The following SLC4A4 variants were observed in gnomAD, a reference collection of about 807,000 sequenced individuals.
SLC4A4 encodes solute carrier family 4 member 4.
Under a neutral mutation model 111.5 loss-of-function variants are expected in SLC4A4, and 27 were observed. That is an observed-to-expected ratio of 0.24 (90% CI 0.18 to 0.33). SLC4A4 has a LOEUF of 0.33. Ranked by LOEUF, SLC4A4 falls within the 10% of genes least tolerant of loss-of-function variation. SLC4A4 has a pLI of 1.00. For synonymous variants in SLC4A4, 443 were observed against 463.4 expected, an observed-to-expected ratio of 0.96 and a Z score of 0.57; for missense variants, 909 against 1,315.5, an observed-to-expected ratio of 0.69 and a Z score of 4.78.
chr4:71,268,708 G>A (rs1254437235), intron 3 of SLC4A4, among the ~76,000 whole-genome samples: 1 of 152,144 alleles, frequency 6.6e-6, no homozygotes, highest in Non-Finnish European at 1.5e-5. Context: ...GTAATAAAAT[G>A]TTTCTCAGAG....
intron 7 of SLC4A4, among the ~76,000 whole-genome samples, chr4:71,411,660 A>G (rs1365519705): frequency 6.6e-6 from 1 of 152,228 alleles, no homozygotes; most frequent in African/African-American, 2.4e-5. Flanking sequence ...AGTGACAGAT[A>G]CTGTATGTTT....
At chr4:71,117,310 G>A (rs2148954683) in intron 2 of SLC4A4, among the ~76,000 whole-genome samples, 1 of 152,232 alleles carries the variant, frequency 6.6e-6, no homozygotes, top group East Asian at 1.9e-4. Context: ...ACATAGTCCT[G>A]TAATGAAAGG....
intron 18 of SLC4A4, among the ~76,000 whole-genome samples, chr4:71,545,120 A>G (rs146025784): frequency 1.0e-3 from 159 of 152,174 alleles, no homozygotes; most frequent in African/African-American, 3.8e-3. Flanking sequence ...ATATTAACCT[A>G]TATCTATTCA....
rs113377337 is a variant in SLC4A4, at chr4:71,259,121, T to C, written c.253+3722T>C. ...AGCTGCTGTGCTTCATCCGTGGCAA[T>C]ATAGTGAGACCCTGTCTCTACAAAA... On this transcript the variant is annotated intron_variant, in intron 3 of 25. Coordinates refer to ENST00000264485, the MANE Select transcript of SLC4A4 (RefSeq NM_001098484.3). Among the ~76,000 whole-genome samples the C allele has an allele frequency of 2.1e-3, 316 of 152,236 alleles. 3 individuals are homozygous for C. Among genetic ancestry groups the C allele is most frequent in the African/African-American group, 7.0e-3 (290 of 41,532 alleles).
Position 71,501,902 on chromosome 4 carries a change from A to G in SLC4A4, c.2166+4210A>G, listed in dbSNP as rs747411908. Among the ~76,000 whole-genome samples, 136 of 152,028 alleles carry G rather than the reference A, an allele frequency of 8.9e-4. 1 individual carries two copies. Among genetic ancestry groups the G allele is most frequent in the Non-Finnish European group, 3.5e-4 (24 of 67,990 alleles). ...ATGGTCTCGATCTCCTGACCTTGTGATCCCCCTGCCTAGGCCTCTCAAAGT... is the reference window on the plus strand; with the variant it reads ...ATGGTCTCGATCTCCTGACCTTGTGGTCCCCCTGCCTAGGCCTCTCAAAGT... On this transcript the variant is annotated intron_variant, in intron 16 of 25. Transcript: ENST00000264485.
Position 71,450,415 on chromosome 4 carries a change from A to C in SLC4A4, c.1080A>C (p.Ala360=), listed in dbSNP as rs776423137. ...TGTTCCATGACATTGCTTATAAAGC[A>C]AAAGACAGGCACGACCTGATTGCTG... ...DEVFHDIAYK[A]KDRHDLIAGI... Residue 360 remains alanine (A), a synonymous_variant, in exon 10 of 26, where the codon GCA becomes GCC. Transcript: ENST00000264485. The C allele has an allele frequency of 1.2e-6, 2 of 1,612,532 alleles. No individual in the cohort carries two copies. Among genetic ancestry groups the C allele is most frequent in the East Asian group, 2.2e-5 (1 of 44,856 alleles).
chr4:71,308,269 G>A (rs1725849598), intron 3 of SLC4A4, among the ~76,000 whole-genome samples: 1 of 152,090 alleles, frequency 6.6e-6, no homozygotes. Flanking sequence ...CATAGTAGTT[G>A]TTTAATAAAT....
chr4:71,090,324 C>A (rs903503387), intron 1 of SLC4A4, among the ~76,000 whole-genome samples: 9 of 152,122 alleles, frequency 5.9e-5, no homozygotes, highest in Non-Finnish European at 1.2e-4. Flanking sequence ...AAAGGGAATT[C>A]CCTGACCCCT....
intron 2 of SLC4A4, among the ~76,000 whole-genome samples, chr4:71,180,289 G>A (rs1362501104): frequency 2.0e-5 from 3 of 152,168 alleles, no homozygotes; most frequent in Non-Finnish European, 4.4e-5. Flanking sequence ...ACATAGGCAT[G>A]GGTAAGGACT....
chr4:71,224,041 C>T (rs968134963), intron 1 of SLC4A4, among the ~76,000 whole-genome samples: 3 of 152,126 alleles, frequency 2.0e-5, no homozygotes, highest in East Asian at 1.9e-4. Flanking sequence ...CATTCCTTTC[C>T]GGTCCTCTCC....
At chr4:71,348,844 AGT>A (rs1285844212) in intron 4 of SLC4A4, among the ~76,000 whole-genome samples, 2 of 152,038 alleles carry the variant, frequency 1.3e-5, no homozygotes, top group Non-Finnish European at 2.9e-5. Context: ...TCTCATCTTT[AGT>A]GAGTTAGGTG....
chr4:71,496,176 A>T, intron 15 of SLC4A4, among the ~76,000 whole-genome samples: 1 of 152,094 alleles, frequency 6.6e-6, no homozygotes, highest in East Asian at 1.9e-4. Flanking sequence ...GATAGATCTG[A>T]TTAAATCATC....
At chr4:71,307,742 GA>G (rs1346738095) in intron 3 of SLC4A4, among the ~76,000 whole-genome samples, 3 of 152,176 alleles carry the variant, frequency 2.0e-5, no homozygotes. Flanking sequence ...AATAAATGTT[GA>G]GTACACCTTT....
intron 16 of SLC4A4, 130 bp downstream of exon 16, chr4:71,497,822 A>C (rs1730553128): frequency 1.3e-6 from 1 of 773,156 alleles, no homozygotes; most frequent in East Asian, 2.6e-5. Context: ...TAAACATTAC[A>C]CTTCAATCTT....
chr4:71,240,179 A>G (rs1367382187), intron 2 of SLC4A4, among the ~76,000 whole-genome samples: 1 of 152,222 alleles, frequency 6.6e-6, no homozygotes. Context: ...AGAAAATCCT[A>G]TGGATGTTTT....
intron 6 of SLC4A4, among the ~76,000 whole-genome samples, chr4:71,385,124 C>T (rs1718558195): frequency 7.3e-6 from 1 of 137,168 alleles, no homozygotes; most frequent in South Asian, 2.3e-4. Flanking sequence ...CCCTTCTAGA[C>T]TTCTGTCATT....
chr4:71,407,336 T>C (rs1720954833), intron 7 of SLC4A4, among the ~76,000 whole-genome samples: 1 of 152,228 alleles, frequency 6.6e-6, no homozygotes, highest in South Asian at 2.1e-4. Flanking sequence ...ATACTCTGGA[T>C]GTCATTGGTG....
At chr4:71,312,530 A>G (rs1726288846) in intron 3 of SLC4A4, among the ~76,000 whole-genome samples, 1 of 152,240 alleles carries the variant, frequency 6.6e-6, no homozygotes, top group Non-Finnish European at 1.5e-5. Flanking sequence ...TCAGTAAAAT[A>G]CTGGCAAACC....
chr4:71,215,890 C>T (rs1035235006), intron 1 of SLC4A4, among the ~76,000 whole-genome samples: 4 of 150,856 alleles, frequency 2.7e-5, no homozygotes, highest in African/African-American at 4.9e-5. Context: ...TGTCTACCAA[C>T]TTTGTCATTT....
Sources: gnomAD v4.1 joint callset for allele counts (sites outside exome capture counted in the v4.1 genomes callset) on GRCh38, gnomAD v4.1.1 for gene constraint, MANE v1.5 for transcripts, NCBI Gene and HGNC (gene_info 2026-07-23, HGNC 2026-07-21) for gene names.